STAG1: variants seen among roughly 807,000 people sequenced by gnomAD.
The protein encoded by STAG1 is STAG1 cohesin complex component.
STAG1 carries 26 observed loss-of-function variants against 170.9 expected under a neutral mutation model. The ratio of observed to expected loss-of-function variants is 0.15; its 90% confidence interval spans 0.11 to 0.21. STAG1 has a LOEUF of 0.21. Among genes scored for constraint, STAG1 ranks in the 10% least tolerant of loss-of-function variants. The pLI is 1.00. For synonymous variants in STAG1, 514 were observed against 497.7 expected (o/e 1.03, Z -0.44); for missense variants, 964 against 1,509.5 (o/e 0.64, Z 5.99).
chr3:136,737,927 G>A (rs1170526127), intron 1 of STAG1, among the ~76,000 whole-genome samples: 1 of 151,916 alleles, frequency 6.6e-6, no homozygotes, highest in Non-Finnish European at 1.5e-5. Context: ...AATTAGCCGG[G>A]CATGGTGGTG....
intron 22 of STAG1, among the ~76,000 whole-genome samples, chr3:136,394,834 T>G (rs528169800): frequency 6.7e-6 from 1 of 149,884 alleles, no homozygotes; most frequent in African/African-American, 2.5e-5. Flanking sequence ...GCACCAGTAA[T>G]CCCAGCTACT....
chr3:136,568,756 A>T lies in STAG1; in HGVS notation c.394+9T>A. 1 of 1,603,532 alleles carries T rather than the reference A, an allele frequency of 6.2e-7. No individual in the cohort carries two copies. The highest frequency in any genetic ancestry group is 1.1e-5 in the South Asian group (1 of 90,606). On this transcript the variant is annotated intron_variant, in intron 5 of 33. Coordinates refer to ENST00000383202, the MANE Select transcript of STAG1 (RefSeq NM_005862.3). ...CTCAATGTACATCATTTATTTCAAC[A>T]TTCTGTACCTCGACATCCTGAACAC...
intron 20 of STAG1, among the ~76,000 whole-genome samples, chr3:136,420,237 ACT>A (rs2087911150): frequency 1.5e-5 from 2 of 136,006 alleles, no homozygotes; most frequent in Admixed American, 8.2e-5. Context: ...ACAGAGTGAG[ACT>A]CTGTCAAAAA....
intron 1 of STAG1, among the ~76,000 whole-genome samples, chr3:136,691,096 G>C (rs531082165): frequency 2.6e-5 from 4 of 151,694 alleles, no homozygotes; most frequent in Non-Finnish European, 5.9e-5. Flanking sequence ...CCAGGAGTTC[G>C]AGACCAGCCT....
chr3:136,599,463 G>A (rs1938574016), intron 4 of STAG1, among the ~76,000 whole-genome samples: 1 of 152,064 alleles, frequency 6.6e-6, no homozygotes, highest in African/African-American at 2.4e-5. Flanking sequence ...CCCAGGAGAC[G>A]GAGCCTGCAG....
At chr3:136,389,941 T>C (rs1576418422) in intron 22 of STAG1, among the ~76,000 whole-genome samples, 2 of 151,250 alleles carry the variant, frequency 1.3e-5, no homozygotes, top group African/African-American at 2.4e-5. Context: ...CAGCGATTCT[T>C]CTGCCTCAGC....
chr3:136,648,245 G>T (rs1001675640), intron 1 of STAG1, among the ~76,000 whole-genome samples: 2 of 152,194 alleles, frequency 1.3e-5, no homozygotes, highest in African/African-American at 4.8e-5. Context: ...AACCAGAACA[G>T]AAATCATTGA....
At chr3:136,635,696 C>A (rs1940523128) in intron 1 of STAG1, among the ~76,000 whole-genome samples, 1 of 152,126 alleles carries the variant, frequency 6.6e-6, no homozygotes, top group South Asian at 2.1e-4. Flanking sequence ...GATGACAAAA[C>A]TGTCTATATA....
At chr3:136,729,135 C>T (rs1266494556) in intron 1 of STAG1, among the ~76,000 whole-genome samples, 1 of 152,056 alleles carries the variant, frequency 6.6e-6, no homozygotes, top group Non-Finnish European at 1.5e-5. Context: ...TGCATGCCAT[C>T]GTGCCTAGCT....
chr3:136,577,235 T>C (rs1937498361), intron 4 of STAG1, among the ~76,000 whole-genome samples: 1 of 152,168 alleles, frequency 6.6e-6, no homozygotes, highest in African/African-American at 2.4e-5. Flanking sequence ...TCAGCTTAAG[T>C]CGTAATTTGA....
In STAG1 at chr3:136,745,953, T is replaced by C. The variant is rs78921342; in HGVS notation, c.-84+6242A>G. Among the ~76,000 whole-genome samples, 1,088 of 152,278 alleles carry C rather than the reference T, an allele frequency of 7.1e-3. 21 individuals are homozygous for C. The highest frequency in any genetic ancestry group is 0.024 in the African/African-American group (981 of 41,562). ...TGGGCCACAGGTTGGACAAGCTTGA[T>C]TTAGAAAAGGAGGAGAAAAATCTGA... On this transcript the variant is annotated intron_variant, in intron 1 of 33. Coordinates refer to ENST00000383202, the MANE Select transcript of STAG1 (RefSeq NM_005862.3).
intron 9 of STAG1, among the ~76,000 whole-genome samples, chr3:136,485,476 T>C (rs755738277): frequency 6.6e-6 from 1 of 151,874 alleles, no homozygotes; most frequent in Non-Finnish European, 1.5e-5. Context: ...AAAAAGTAGC[T>C]CTACTATAAA....
intron 5 of STAG1, among the ~76,000 whole-genome samples, chr3:136,565,143 A>T (rs1332143087): frequency 6.6e-6 from 1 of 151,156 alleles, no homozygotes; most frequent in Admixed American, 6.6e-5. Flanking sequence ...GGGAAGAGAA[A>T]GGAAAGAGAA....
chr3:136,371,203 GTTGTTT>G (rs1937317963), intron 23 of STAG1, among the ~76,000 whole-genome samples: 1 of 151,596 alleles, frequency 6.6e-6, no homozygotes, highest in African/African-American at 2.4e-5. Context: ...TTTTGATGTG[GTTGTTT>G]TTTTCTTGTA....
intron 23 of STAG1, among the ~76,000 whole-genome samples, chr3:136,374,727 G>T (rs1292915910): frequency 6.6e-6 from 1 of 151,378 alleles, no homozygotes; most frequent in Admixed American, 6.6e-5. Context: ...CAAAGAAAAA[G>T]AATTATAGTA....
intron 22 of STAG1, among the ~76,000 whole-genome samples, chr3:136,378,734 T>TAC (rs1937758177): frequency 6.6e-6 from 1 of 152,060 alleles, no homozygotes; most frequent in Non-Finnish European, 1.5e-5. Context: ...TACTATTATA[T>TAC]AGTTTAACAT....
intron 1 of STAG1, among the ~76,000 whole-genome samples, chr3:136,679,374 G>T (rs1237308094): frequency 2.0e-5 from 3 of 151,890 alleles, no homozygotes; most frequent in Non-Finnish European, 1.5e-5. Flanking sequence ...GAGGTCAGGA[G>T]TTCGAGACCA....
In STAG1 at chr3:136,438,781, T is replaced by C. The variant is rs1003545794; in HGVS notation, c.1546+4506A>G. Among the ~76,000 whole-genome samples, 4 of 152,240 alleles carry C rather than the reference T, an allele frequency of 2.6e-5. No homozygotes were observed. In the East Asian group the frequency reaches 5.8e-4, roughly 22 times the overall value. On this transcript the variant is annotated intron_variant, in intron 15 of 33. Transcript: ENST00000383202. ...ATTTGACTCATATAGTTAATAAATA[T>C]TTTTAAATTATTAATGAATTAATAA...
chr3:136,354,486 G>C (rs1278974481), intron 28 of STAG1, among the ~76,000 whole-genome samples: 2 of 151,782 alleles, frequency 1.3e-5, no homozygotes, highest in Non-Finnish European at 2.9e-5. Flanking sequence ...ATTGTTATTA[G>C]AGATGGGGTT....
Sources: gnomAD v4.1 joint callset for allele counts (sites outside exome capture counted in the v4.1 genomes callset) on GRCh38, gnomAD v4.1.1 for gene constraint, MANE v1.5 for transcripts, NCBI Gene and HGNC (gene_info 2026-07-23, HGNC 2026-07-21) for gene names.